The following ZNF608 variants were observed in gnomAD, a reference collection of about 807,000 sequenced individuals.
ZNF608 encodes zinc finger protein 608, also known as renal carcinoma antigen NY-REN-36.
ZNF608 carries 12 observed loss-of-function variants against 109.0 expected under a neutral mutation model. That is an observed-to-expected ratio of 0.11 (90% CI 0.07 to 0.18). The LOEUF (loss-of-function observed/expected upper bound fraction) is 0.18. Among genes scored for constraint, ZNF608 ranks in the 10% least tolerant of loss-of-function variants. The probability of loss-of-function intolerance (pLI) is 1.00; values close to 1 mark genes in which losing one functional copy is unlikely to be tolerated. For missense variants in ZNF608, 1,707 were observed against 1,879.3 expected (o/e 0.91, Z 1.70); for synonymous variants, 732 against 717.4 (o/e 1.02, Z -0.33).
At chr5:124,742,809 T>C (rs1475082300) in intron 2 of ZNF608, among the ~76,000 whole-genome samples, 1 of 152,184 alleles carries the variant, frequency 6.6e-6, no homozygotes, top group African/African-American at 2.4e-5. Context: ...TGAACCATTT[T>C]ACACAGAAAT....
upstream of ZNF608, chr5:124,748,441 G>C: frequency 1.4e-6 from 1 of 700,544 alleles, no homozygotes; most frequent in Non-Finnish European, 1.8e-6. Flanking sequence ...CCTGTAACTA[G>C]TTCCTCATTT....
intron 2 of ZNF608, among the ~76,000 whole-genome samples, chr5:124,728,792 G>A (rs1018823206): frequency 6.6e-6 from 1 of 152,068 alleles, no homozygotes; most frequent in Non-Finnish European, 1.5e-5. Context: ...TGCTTGCGTT[G>A]TAGACTCTAG....
At chr5:124,729,275 T>C (rs1170819267) in intron 2 of ZNF608, among the ~76,000 whole-genome samples, 1 of 152,212 alleles carries the variant, frequency 6.6e-6, no homozygotes, top group South Asian at 2.1e-4. Flanking sequence ...GCTTCACAGC[T>C]GCAGTTTGGG....
At chr5:124,695,192 A>AT (rs1752799053) in intron 3 of ZNF608, among the ~76,000 whole-genome samples, 1 of 152,234 alleles carries the variant, frequency 6.6e-6, no homozygotes, top group East Asian at 1.9e-4. Context: ...GTAACGAAAT[A>AT]CAGACATCTT....
At chr5:124,715,907 G>T (rs1375045972) in intron 2 of ZNF608, among the ~76,000 whole-genome samples, 2 of 152,086 alleles carry the variant, frequency 1.3e-5, no homozygotes, top group African/African-American at 2.4e-5. Context: ...ACCTTGGGAG[G>T]CCGAGGCGGG....
rs1338641266 is a variant in ZNF608 at position 124,637,794 on chromosome 5, T to C, written c.*106A>G. On this transcript the variant is annotated 3_prime_UTR_variant, in exon 10 of 10. Transcript: ENST00000513986. ...ATTTACAAAAATGAAATGACTGGTT[T>C]TTGCCTGCCATTAAGGCATTTCAAA... 1.7e-6 allele frequency: 2 copies of C among 1,166,634 alleles called. No homozygotes were observed. Among genetic ancestry groups the C allele is most frequent in the Admixed American group, 4.8e-5 (2 of 42,028 alleles). The allele number at this position is 1,166,634 out of a possible 1,614,324, so 72.3% of individuals were successfully genotyped here. A position where few individuals can be genotyped will look rare whatever the true frequency, so the allele number is the denominator to read the frequency against.
At position 124,648,117 on chromosome 5, in the gene ZNF608, G is replaced by A; in HGVS notation, c.2267C>T (p.Thr756Ile). The A allele has an allele frequency of 1.2e-6, 2 of 1,610,598 alleles. No homozygotes were observed. The highest frequency in any genetic ancestry group is 2.2e-5 in the East Asian group (1 of 44,776). The change falls in exon 5 of 10, where the codon ACC (threonine) becomes ATC (isoleucine). Residue 756 changes from threonine to isoleucine, a missense_variant. Physicochemically the swap from Thr to Ile is moderately conservative, Grantham distance 89 (BLOSUM62 -1). Transcript: ENST00000513986. ...PPQLIAIPTA[T>I]FTTTTTGTIP... ...TGTCCCAGTGGTGGTCGTTGTAAAGGTTGCAGTGGGTATAGCGATTAGCTG... is the reference window on the plus strand; with the variant it reads ...TGTCCCAGTGGTGGTCGTTGTAAAGATTGCAGTGGGTATAGCGATTAGCTG...
chr5:124,657,570 G>T (rs944584938), intron 3 of ZNF608, among the ~76,000 whole-genome samples: 1 of 152,102 alleles, frequency 6.6e-6, no homozygotes, highest in African/African-American at 2.4e-5. Context: ...AGCTACTCGG[G>T]AGGCGGAGGC....
intron 2 of ZNF608, chr5:124,708,662 C>T (rs556185157): frequency 2.2e-6 from 1 of 450,346 alleles, no homozygotes; most frequent in Admixed American, 2.4e-5. Flanking sequence ...TCTAAAACTA[C>T]CGTTATGCAC....
intron 7 of ZNF608, among the ~76,000 whole-genome samples, chr5:124,641,725 C>G (rs1205901433): frequency 2.0e-5 from 3 of 152,186 alleles, no homozygotes; most frequent in South Asian, 4.1e-4. Flanking sequence ...TTCCCATAAA[C>G]AACTTTTACA....
intron 2 of ZNF608, among the ~76,000 whole-genome samples, chr5:124,729,805 G>A (rs1342162405): frequency 6.6e-6 from 1 of 152,074 alleles, no homozygotes; most frequent in Non-Finnish European, 1.5e-5. Context: ...CTAACCATCT[G>A]GACAAAAATC....
chr5:124,732,330 T>C (rs1748943948), intron 2 of ZNF608, among the ~76,000 whole-genome samples: 1 of 152,030 alleles, frequency 6.6e-6, no homozygotes, highest in African/African-American at 2.4e-5. Context: ...AAAGAGCAGA[T>C]TAAGATAAAG....
At chr5:124,745,975 C>T (rs116956591) in intron 1 of ZNF608, 1 of 209,878 alleles carries the variant, frequency 4.8e-6, no homozygotes, top group East Asian at 1.8e-4. Context: ...TGCTCACTCT[C>T]TTAAATACGG....
chr5:124,734,021 TA>T (rs1400498894), intron 2 of ZNF608, among the ~76,000 whole-genome samples: 3 of 151,970 alleles, frequency 2.0e-5, no homozygotes, highest in South Asian at 4.1e-4. Context: ...TAAAGATGTT[TA>T]AAAAAAACTC....
chr5:124,666,758 T>A (rs1366401595), intron 3 of ZNF608, among the ~76,000 whole-genome samples: 1 of 142,666 alleles, frequency 7.0e-6, no homozygotes, highest in Non-Finnish European at 1.5e-5. Flanking sequence ...TGTGTGTGTG[T>A]TTCATCTGTT....
chr5:124,648,710 T>C lies in ZNF608; in HGVS notation c.1674A>G (p.Pro558=). The change falls in exon 5 of 10, where the codon CCA becomes CCG. Residue 558 remains proline (P), a synonymous_variant. Transcript: ENST00000513986. ...TGTGCTTGTACTTTTTGTTGCAGTT[T>C]GGGTGGGGACAGTCGATTAACACTG... ...SSPVLIDCPH[P]NCNKKYKHIN... is the part of the protein sequence containing the mutation. 6.2e-7 allele frequency: 1 copy of C among 1,614,214 alleles called. No individual in the cohort carries two copies. The highest frequency in any genetic ancestry group is 8.5e-7 in the Non-Finnish European group (1 of 1,180,042).
intron 3 of ZNF608, among the ~76,000 whole-genome samples, chr5:124,655,687 A>G (rs1196767179): frequency 6.6e-6 from 1 of 152,222 alleles, no homozygotes; most frequent in Non-Finnish European, 1.5e-5. Flanking sequence ...CCATTTTTAC[A>G]CAACGTGACT....
intron 3 of ZNF608, among the ~76,000 whole-genome samples, chr5:124,674,276 G>C (rs1241527770): frequency 1.3e-5 from 2 of 152,258 alleles, no homozygotes; most frequent in South Asian, 2.1e-4. Context: ...TGAGTGCAGT[G>C]GTTCAAAAAC....
intron 2 of ZNF608, among the ~76,000 whole-genome samples, chr5:124,702,387 G>A (rs964819360): frequency 2.0e-5 from 3 of 151,714 alleles, no homozygotes; most frequent in Non-Finnish European, 4.4e-5. Flanking sequence ...TGTAAAAAGG[G>A]CGCATCGAAG....
Sources: allele counts gnomAD v4.1 joint callset (sites outside exome capture counted in the v4.1 genomes callset), GRCh38; gene constraint gnomAD v4.1.1; transcripts MANE v1.5; gene names NCBI Gene and HGNC (gene_info 2026-07-23, HGNC 2026-07-21).